Variants in PAH observed in about 807,000 individuals in gnomAD.
PAH encodes phenylalanine-4-hydroxylase.
A neutral mutation model predicts 62.0 loss-of-function variants in PAH; 64 were observed. That is an observed-to-expected ratio of 1.03 (90% CI 0.84 to 1.27). PAH has a LOEUF of 1.27. PAH is among the 50% of genes most tolerant of loss of function. The pLI is 0.00. For missense variants in PAH, 579 were observed against 542.8 expected (o/e 1.07, Z -0.66); for synonymous variants, 195 against 196.2 (o/e 0.99, Z 0.05).
intron 2 of PAH, among the ~76,000 whole-genome samples, chr12:102,908,800 C>T (rs1878085066): frequency 6.6e-6 from 1 of 150,874 alleles, no homozygotes; most frequent in Non-Finnish European, 1.5e-5. Flanking sequence ...TCTAGGATCC[C>T]ATTCAAAATA....
intron 2 of PAH, among the ~76,000 whole-genome samples, chr12:102,895,869 A>ATAAATATATATATAT (rs1555208129): frequency 8.4e-6 from 1 of 118,744 alleles, no homozygotes; most frequent in African/African-American, 3.6e-5. Context: ...AAAAAAAAAA[A>ATAAATATATATATAT]ATATATATAT....
chr12:102,929,976 C>T (rs550032820), intron 1 of PAH, among the ~76,000 whole-genome samples: 2 of 152,226 alleles, frequency 1.3e-5, no homozygotes, highest in African/African-American at 4.8e-5. Flanking sequence ...AACTGGGACT[C>T]ATTGAGATAT....
intron 1 of PAH, among the ~76,000 whole-genome samples, chr12:102,948,014 GC>G (rs1184047046): frequency 6.6e-6 from 1 of 152,104 alleles, no homozygotes; most frequent in African/African-American, 2.4e-5. Flanking sequence ...TCTTTACTCA[GC>G]CCCCCTCATC....
At chr12:102,841,984 A>G (rs1182543112) in intron 11 of PAH, among the ~76,000 whole-genome samples, 1 of 152,186 alleles carries the variant, frequency 6.6e-6, no homozygotes, top group Non-Finnish European at 1.5e-5. Flanking sequence ...GGATGTGCAG[A>G]TTCCTTGTTT....
rs1024850881 is a variant in PAH, at chr12:102,956,322, C to T, written c.-96+1873G>A. On this transcript the variant is annotated intron_variant, in intron 1 of 4. Transcript: ENST00000551337. ...TTGGTCTGCTTTCTCCGCAGCGCCG[C>T]GTCCCCAGACGTCCTGAAGCTGGAC... Among the ~76,000 whole-genome samples, 7 of 152,368 alleles carry T rather than the reference C, an allele frequency of 4.6e-5. No individual in the cohort carries two copies. In the East Asian group the frequency reaches 9.7e-4, roughly 21 times the overall value.
chr12:102,895,735 A>G (rs112688310), intron 2 of PAH, among the ~76,000 whole-genome samples: 5,214 of 151,552 alleles, frequency 0.034, 122 homozygotes, highest in African/African-American at 0.061. Context: ...TGTAATCCCA[A>G]TCCCAGCTAC....
rs567773958 is a variant in PAH at position 102,930,845 on chromosome 12, T to C, written c.-95-13620A>G. Among the ~76,000 whole-genome samples, 4 of 152,346 alleles carry C rather than the reference T, an allele frequency of 2.6e-5. No homozygotes were observed. The South Asian group carries it at 6.2e-4, about 24-fold the overall frequency. On this transcript the variant is annotated intron_variant, in intron 1 of 3. Transcript: ENST00000546844. ...ATCAATGTATGAGAATTCCTGTTTG[T>C]AAGGCACAAATCTTTAGTGGTTCTA...
chr12:102,847,814 T>C (rs1343918928), intron 8 of PAH, among the ~76,000 whole-genome samples: 3 of 152,118 alleles, frequency 2.0e-5, no homozygotes, highest in Admixed American at 1.3e-4. Flanking sequence ...AGTGGAGTTG[T>C]TGGTTATACT....
At chr12:102,907,437 C>T (rs549888292) in intron 2 of PAH, among the ~76,000 whole-genome samples, 1 of 152,272 alleles carries the variant, frequency 6.6e-6, no homozygotes, top group East Asian at 1.9e-4. Flanking sequence ...AATTACTCAA[C>T]CGCTCTGAAC....
chr12:102,954,130 A>C (rs527341670), upstream of PAH, among the ~76,000 whole-genome samples: 3 of 152,368 alleles, frequency 2.0e-5, no homozygotes, highest in South Asian at 6.2e-4. Flanking sequence ...AGCAGGGCCC[A>C]GTGGCTCTGC....
chr12:102,875,708 A>G (rs184429002), intron 4 of PAH, among the ~76,000 whole-genome samples: 19 of 152,282 alleles, frequency 1.2e-4, no homozygotes, highest in Admixed American at 9.8e-4. Context: ...TTTAAGTAAT[A>G]TACACTAGGA....
At chr12:102,878,673 G>A (rs188679083) in intron 3 of PAH, among the ~76,000 whole-genome samples, 4 of 151,334 alleles carry the variant, frequency 2.6e-5, no homozygotes, top group Admixed American at 2.6e-4. Flanking sequence ...AAAGAAAGGA[G>A]GGAGAAAACA....
At chr12:102,861,334 G>T (rs1179254119) in intron 5 of PAH, among the ~76,000 whole-genome samples, 1 of 152,176 alleles carries the variant, frequency 6.6e-6, no homozygotes, top group Non-Finnish European at 1.5e-5. Context: ...GGAAACAACA[G>T]GTGCTGGAGA....
chr12:102,877,408 G>A, intron 4 of PAH, 54 bp downstream of exon 4: 1 of 1,163,820 alleles, frequency 8.6e-7, no homozygotes, highest in Non-Finnish European at 1.3e-6. Context: ...GAGGAAGGGA[G>A]GGGAGTGGAG....
intron 1 of PAH, among the ~76,000 whole-genome samples, chr12:102,935,278 G>A (rs1053637109): frequency 7.9e-5 from 12 of 151,984 alleles, no homozygotes; most frequent in African/African-American, 2.4e-4. Flanking sequence ...TTTTAAACGT[G>A]ATATTGAATT....
At chr12:102,913,917 G>A in intron 1 of PAH, 1 of 691,732 alleles carries the variant, frequency 1.4e-6, no homozygotes, top group African/African-American at 1.8e-5. Context: ...TCCACAATAA[G>A]CAGCAGGTAC....
intron 4 of PAH, among the ~76,000 whole-genome samples, chr12:102,868,100 A>ATCAGGGCCTACCAG (rs1565854919): frequency 1.3e-4 from 4 of 30,114 alleles, no homozygotes; most frequent in Admixed American, 4.9e-4. Flanking sequence ...ATATATATAT[A>ATCAGGGCCTACCAG]TATACACATA....
At chr12:102,922,894 T>C (rs1878592236) in intron 1 of PAH, among the ~76,000 whole-genome samples, 1 of 152,198 alleles carries the variant, frequency 6.6e-6, no homozygotes, top group Non-Finnish European at 1.5e-5. Context: ...GTACTAGTTA[T>C]AATTACACAG....
chr12:102,929,448 G>A (rs1878783219), intron 1 of PAH, among the ~76,000 whole-genome samples: 1 of 152,182 alleles, frequency 6.6e-6, no homozygotes, highest in African/African-American at 2.4e-5. Flanking sequence ...AATAGCATGA[G>A]CAAAGGTCAT....
Sources: allele counts gnomAD v4.1 joint callset (sites outside exome capture counted in the v4.1 genomes callset), GRCh38; gene constraint gnomAD v4.1.1; transcripts MANE v1.5; gene names NCBI Gene and HGNC (gene_info 2026-07-23, HGNC 2026-07-21).